The following CNTNAP2 variants were observed in gnomAD, a reference collection of about 807,000 sequenced individuals.
The protein encoded by CNTNAP2 is contactin-associated protein-like 2.
A neutral mutation model predicts 155.2 loss-of-function variants in CNTNAP2; 98 were observed. That is an observed-to-expected ratio of 0.63 (90% CI 0.54 to 0.75). The LOEUF (loss-of-function observed/expected upper bound fraction) is 0.75, where lower values mean the gene tolerates loss of function less well. Among genes scored for constraint, CNTNAP2 ranks in the 30% least tolerant of loss-of-function variants. CNTNAP2 has a pLI of 0.00. For synonymous variants in CNTNAP2, 651 were observed against 631.2 expected, an observed-to-expected ratio of 1.03 and a Z score of -0.47; for missense variants, 1,727 against 1,688.1, an observed-to-expected ratio of 1.02 and a Z score of -0.40.
chr7:146,609,821 A>G (rs1799105183), intron 1 of CNTNAP2, among the ~76,000 whole-genome samples: 1 of 152,240 alleles, frequency 6.6e-6, no homozygotes, highest in Non-Finnish European at 1.5e-5. Context: ...TCATAATTCT[A>G]GATAGTATAG....
chr7:147,607,724 T>C (rs1167100404), intron 12 of CNTNAP2, among the ~76,000 whole-genome samples: 1 of 152,188 alleles, frequency 6.6e-6, no homozygotes, highest in African/African-American at 2.4e-5. Flanking sequence ...TATTTTCTGC[T>C]GCATCAAAGC....
At chr7:147,737,503 G>T (rs1457703469) in intron 13 of CNTNAP2, among the ~76,000 whole-genome samples, 1 of 151,972 alleles carries the variant, frequency 6.6e-6, no homozygotes, top group East Asian at 2.0e-4. Flanking sequence ...TCCGTTCGCA[G>T]ATCTCAAGCT....
At chr7:147,228,472 A>G (rs1482885857) in intron 8 of CNTNAP2, among the ~76,000 whole-genome samples, 2 of 152,168 alleles carry the variant, frequency 1.3e-5, no homozygotes, top group East Asian at 3.9e-4. Context: ...AGGAGCAAGG[A>G]CAATTAATCT....
chr7:148,343,159 T>C (rs527928543), intron 21 of CNTNAP2, among the ~76,000 whole-genome samples: 124 of 152,340 alleles, frequency 8.1e-4, no homozygotes, highest in African/African-American at 2.8e-3. Flanking sequence ...GTTCCCAATT[T>C]CGTAACCACT....
intron 1 of CNTNAP2, among the ~76,000 whole-genome samples, chr7:146,591,693 G>A (rs1798785920): frequency 6.6e-6 from 1 of 152,126 alleles, no homozygotes; most frequent in Non-Finnish European, 1.5e-5. Flanking sequence ...TATTTGTGAT[G>A]AAGTGTTCCC....
chr7:146,723,477 C>T (rs901172227), intron 1 of CNTNAP2, among the ~76,000 whole-genome samples: 1 of 152,130 alleles, frequency 6.6e-6, no homozygotes, highest in Non-Finnish European at 1.5e-5. Context: ...TTTAGACTTA[C>T]TAAAATTATA....
intron 12 of CNTNAP2, among the ~76,000 whole-genome samples, chr7:147,570,265 T>TG (rs1800262087): frequency 6.6e-6 from 1 of 152,198 alleles, no homozygotes; most frequent in African/African-American, 2.4e-5. Flanking sequence ...GTATTATGCC[T>TG]GGTGTACCCA....
intron 3 of CNTNAP2, among the ~76,000 whole-genome samples, chr7:146,960,005 AC>A (rs1797523622): frequency 6.6e-6 from 1 of 151,874 alleles, no homozygotes; most frequent in African/African-American, 2.4e-5. Flanking sequence ...TTTCCCCTTG[AC>A]CCTGGGGCAC....
intron 3 of CNTNAP2, among the ~76,000 whole-genome samples, chr7:146,959,602 C>A (rs1359003151): frequency 2.6e-5 from 4 of 151,244 alleles, no homozygotes; most frequent in Admixed American, 2.6e-4. Flanking sequence ...CACCTGTAAT[C>A]CCAGCTACTT....
intron 10 of CNTNAP2, among the ~76,000 whole-genome samples, chr7:147,407,000 T>A (rs1000882543): frequency 8.5e-5 from 13 of 152,206 alleles, no homozygotes; most frequent in African/African-American, 3.1e-4. Flanking sequence ...TTCTTTGGCA[T>A]AGTCCCAGAC....
At chr7:147,496,520 T>C (rs992765008) in intron 11 of CNTNAP2, 3 of 152,228 alleles carry the variant, frequency 2.0e-5, no homozygotes, top group Non-Finnish European at 4.4e-5. Context: ...TACTTCTCAA[T>C]TATTTAGCTT....
intron 10 of CNTNAP2, among the ~76,000 whole-genome samples, chr7:147,439,512 C>T (rs949524767): frequency 2.0e-5 from 3 of 151,666 alleles, no homozygotes; most frequent in African/African-American, 7.3e-5. Flanking sequence ...ATGGTCAATC[C>T]TTGAGAATTA....
intron 12 of CNTNAP2, among the ~76,000 whole-genome samples, chr7:147,626,268 T>TG (rs1444120681): frequency 1.3e-5 from 2 of 151,972 alleles, no homozygotes; most frequent in Admixed American, 1.3e-4. Flanking sequence ...GCTTTTTTAG[T>TG]GGGGAAGTCT....
At chr7:146,231,311 C>T (rs1799380912) in intron 1 of CNTNAP2, among the ~76,000 whole-genome samples, 1 of 152,182 alleles carries the variant, frequency 6.6e-6, no homozygotes, top group African/African-American at 2.4e-5. Context: ...CTCTTGGCCA[C>T]ATCTCCTTAG....
intron 8 of CNTNAP2, among the ~76,000 whole-genome samples, chr7:147,195,394 G>T (rs1802769617): frequency 6.6e-6 from 1 of 152,026 alleles, no homozygotes; most frequent in Non-Finnish European, 1.5e-5. Context: ...GGATTGTCTT[G>T]GCTCTATGGC....
At chr7:148,030,725 G>A (rs1254202842) in intron 15 of CNTNAP2, among the ~76,000 whole-genome samples, 14 of 145,744 alleles carry the variant, frequency 9.6e-5, no homozygotes, top group Non-Finnish European at 1.9e-4. Flanking sequence ...TTCTTGAGAA[G>A]CGTACAGCAT....
chr7:147,407,173 T>C (rs904468815), intron 10 of CNTNAP2, among the ~76,000 whole-genome samples: 6 of 152,018 alleles, frequency 3.9e-5, no homozygotes, highest in African/African-American at 1.2e-4. Flanking sequence ...AAGTTAGAAA[T>C]ACCATACACA....
intron 1 of CNTNAP2, among the ~76,000 whole-genome samples, chr7:146,560,427 A>G (rs1798263030): frequency 6.6e-6 from 1 of 152,002 alleles, no homozygotes; most frequent in Non-Finnish European, 1.5e-5. Flanking sequence ...GTGTGTGTAT[A>G]TATAAATATG....
At chr7:147,980,768 C>CAAAAAAAA (rs375398761) in intron 15 of CNTNAP2, among the ~76,000 whole-genome samples, 27 of 135,666 alleles carry the variant, frequency 2.0e-4, no homozygotes, top group African/African-American at 6.9e-4. Flanking sequence ...ACTAAAAATA[C>CAAAAAAAA]AAAAAAAAAA....
Sources: allele counts gnomAD v4.1 joint callset (sites outside exome capture counted in the v4.1 genomes callset), GRCh38; gene constraint gnomAD v4.1.1; transcripts MANE v1.5; gene names NCBI Gene and HGNC (gene_info 2026-07-23, HGNC 2026-07-21).